The following XKR6 variants were observed in gnomAD, a reference collection of about 807,000 sequenced individuals.
XKR6 encodes XK-related protein 6.
In XKR6, 22 loss-of-function variants were observed where a neutral mutation model predicts 56.7. The observed-to-expected ratio is 0.39, with a 90% CI of 0.28 to 0.55. XKR6 has a LOEUF of 0.55. XKR6 is among the 20% of genes least tolerant of loss of function. The probability of loss-of-function intolerance (pLI) is 0.66; values close to 1 mark genes in which losing one functional copy is unlikely to be tolerated. For synonymous variants in XKR6, 524 were observed against 387.8 expected, an observed-to-expected ratio of 1.35 and a Z score of -4.13; for missense variants, 852 against 889.0, an observed-to-expected ratio of 0.96 and a Z score of 0.53.
chr8:11,094,990 A>T (rs6982381), intron 1 of XKR6, among the ~76,000 whole-genome samples: 80,665 of 152,060 alleles, frequency 0.53, 24,234 homozygotes, highest in African/African-American at 0.8. Flanking sequence ...GGCACATGCT[A>T]ACCTATGTAA....
At chr8:11,024,948 A>G (rs1480446935) in intron 1 of XKR6, among the ~76,000 whole-genome samples, 2 of 152,194 alleles carry the variant, frequency 1.3e-5, no homozygotes, top group Non-Finnish European at 2.9e-5. Flanking sequence ...GGTGGTCAAG[A>G]CCGGCTCTCT....
intron 1 of XKR6, among the ~76,000 whole-genome samples, chr8:10,971,276 C>A (rs1329450892): frequency 6.6e-6 from 1 of 151,634 alleles, no homozygotes; most frequent in Non-Finnish European, 1.5e-5. Flanking sequence ...AAAAAATTAG[C>A]CAGGTGTGGT....
At chr8:11,176,519 A>G (rs7844536) in intron 1 of XKR6, among the ~76,000 whole-genome samples, 56,888 of 151,942 alleles carry the variant, frequency 0.37, 11,499 homozygotes, top group Non-Finnish European at 0.46. Flanking sequence ...ACGTTTGTAT[A>G]TATTTTTAAA....
intron 1 of XKR6, among the ~76,000 whole-genome samples, chr8:11,121,530 A>G (rs1799452953): frequency 6.6e-6 from 1 of 152,208 alleles, no homozygotes; most frequent in Admixed American, 6.5e-5. Context: ...AAAAGTCAGG[A>G]AACAACAGGT....
chr8:10,961,398 C>G (rs774347384), intron 1 of XKR6, among the ~76,000 whole-genome samples: 2 of 152,168 alleles, frequency 1.3e-5, no homozygotes, highest in Non-Finnish European at 1.5e-5. Context: ...CTGCAGAATG[C>G]CTTTTGGGCA....
intron 1 of XKR6, among the ~76,000 whole-genome samples, chr8:11,037,305 A>G (rs1245919305): frequency 6.6e-6 from 1 of 152,100 alleles, no homozygotes; most frequent in Non-Finnish European, 1.5e-5. Context: ...GGCTCACTGC[A>G]ACCTTCACCT....
At chr8:10,991,536 G>C (rs1213001352) in intron 1 of XKR6, among the ~76,000 whole-genome samples, 1 of 152,104 alleles carries the variant, frequency 6.6e-6, no homozygotes, top group African/African-American at 2.4e-5. Flanking sequence ...TGGGTCCTCG[G>C]GGTTGCCATA....
chr8:10,937,679 C>T (rs1328274203), intron 1 of XKR6, among the ~76,000 whole-genome samples: 1 of 148,368 alleles, frequency 6.7e-6, no homozygotes, highest in South Asian at 2.2e-4. Flanking sequence ...GTCAGTGTGC[C>T]CCTGCTGGGG....
At chr8:10,944,182 T>C (rs923466158) in intron 1 of XKR6, among the ~76,000 whole-genome samples, 32 of 152,304 alleles carry the variant, frequency 2.1e-4, no homozygotes, top group African/African-American at 7.7e-4. Context: ...ATGACTCTGA[T>C]GGAAGCTGGT....
At chr8:11,190,204 A>AAAGAAAGAAAG (rs746304600) in intron 1 of XKR6, among the ~76,000 whole-genome samples, 1 of 120,924 alleles carries the variant, frequency 8.3e-6, no homozygotes, top group African/African-American at 3.7e-5. Context: ...AGAAAGAAAG[A>AAAGAAAGAAAG]AAAGAAAGAA....
At chr8:11,029,412 T>C (rs7010099) in intron 1 of XKR6, among the ~76,000 whole-genome samples, 25,885 of 152,076 alleles carry the variant, frequency 0.17, 2,322 homozygotes, top group Middle Eastern at 0.21. Context: ...AATGGGGTCT[T>C]TGGGGGTGAT....
intron 1 of XKR6, among the ~76,000 whole-genome samples, chr8:11,040,390 A>G (rs1007955810): frequency 2.0e-5 from 3 of 151,716 alleles, no homozygotes; most frequent in Non-Finnish European, 2.9e-5. Context: ...AAATTAGCCA[A>G]ACAGGGTGGC....
intron 1 of XKR6, among the ~76,000 whole-genome samples, chr8:11,099,348 A>C (rs935767436): frequency 2.0e-5 from 3 of 152,230 alleles, no homozygotes; most frequent in Non-Finnish European, 4.4e-5. Context: ...AAATGGCTGA[A>C]TCTACTAAAA....
chr8:11,033,713 G>C (rs1799064518), intron 1 of XKR6, among the ~76,000 whole-genome samples: 1 of 152,104 alleles, frequency 6.6e-6, no homozygotes, highest in South Asian at 2.1e-4. Context: ...GTCGCTCAAA[G>C]GGTAGTCTGA....
rs542381494 is a variant in XKR6, at chr8:10,994,299, G to A, written c.765-69469C>T. ...CTGCACTGTCTTCAGAGTCAGCCTC[G>A]GCTAAGCCAGCTCCCCCAGCCTGGC... On this transcript the variant is annotated intron_variant, in intron 1 of 2. Transcript: ENST00000416569. Among the ~76,000 whole-genome samples the A allele has an allele frequency of 1.8e-4, 27 of 152,324 alleles. 1 individual carries two copies. Among genetic ancestry groups the A allele is most frequent in the African/African-American group, 3.8e-4 (16 of 41,576 alleles).
intron 2 of XKR6, among the ~76,000 whole-genome samples, chr8:10,921,093 T>C (rs1373761090): frequency 6.6e-6 from 1 of 152,272 alleles, no homozygotes; most frequent in Non-Finnish European, 1.5e-5. Context: ...GTGGCCCCTG[T>C]CCTTGCACAG....
rs143217338 is a variant in XKR6, at chr8:10,973,062, G to C, written c.765-48232C>G. 1.7e-3 allele frequency among the ~76,000 whole-genome samples: 261 copies of C among 152,264 alleles called. 3 individuals are homozygous for C. Among genetic ancestry groups the C allele is most frequent in the Middle Eastern group, 3.4e-3 (1 of 294 alleles). On this transcript the variant is annotated intron_variant, in intron 1 of 2. Coordinates refer to ENST00000416569, the MANE Select transcript of XKR6 (RefSeq NM_173683.4). ...TGGTTTCTTGATAGACGAGGCTTACGATTAGCCTCTTCAAGAGTGGAGTTA... is the reference window on the plus strand; with the variant it reads ...TGGTTTCTTGATAGACGAGGCTTACCATTAGCCTCTTCAAGAGTGGAGTTA...
At chr8:11,146,238 T>C (rs995194662) in intron 1 of XKR6, among the ~76,000 whole-genome samples, 4 of 152,214 alleles carry the variant, frequency 2.6e-5, no homozygotes, top group Admixed American at 1.3e-4. Flanking sequence ...TTAAACTTTA[T>C]AAAACAGGTA....
chr8:10,916,000 C>G (rs954428276), intron 2 of XKR6, among the ~76,000 whole-genome samples: 1 of 152,218 alleles, frequency 6.6e-6, no homozygotes, highest in African/African-American at 2.4e-5. Flanking sequence ...AAGTGGAGCT[C>G]TTGTGCTGGC....
Sources: allele counts gnomAD v4.1 joint callset (sites outside exome capture counted in the v4.1 genomes callset), GRCh38; gene constraint gnomAD v4.1.1; transcripts MANE v1.5; gene names NCBI Gene and HGNC (gene_info 2026-07-23, HGNC 2026-07-21).